Variants in CDH18 observed in about 807,000 individuals in gnomAD.
The protein encoded by CDH18 is cadherin-18.
Under a neutral mutation model 67.9 loss-of-function variants are expected in CDH18, and 31 were observed. The observed-to-expected ratio is 0.46, with a 90% confidence interval of 0.34 to 0.62. CDH18 has a LOEUF of 0.62. Ranked by LOEUF, CDH18 falls within the 20% of genes least tolerant of loss-of-function variation. CDH18 has a pLI of 0.01. For missense variants in CDH18, 890 were observed against 975.5 expected (o/e 0.91, Z 1.17); for synonymous variants, 362 against 347.2 (o/e 1.04, Z -0.48).
intron 2 of CDH18, among the ~76,000 whole-genome samples, chr5:20,221,698 T>C (rs980219440): frequency 2.0e-5 from 3 of 152,114 alleles, no homozygotes; most frequent in Non-Finnish European, 2.9e-5. Flanking sequence ...TTATTAGGCA[T>C]TATATGCCTG....
chr5:19,642,214 G>C (rs1020002741), intron 5 of CDH18, among the ~76,000 whole-genome samples: 25 of 151,890 alleles, frequency 1.6e-4, no homozygotes, highest in Middle Eastern at 6.8e-3. Context: ...ATATACCCAC[G>C]GATTAGAAGA....
intron 1 of CDH18, among the ~76,000 whole-genome samples, chr5:20,348,425 G>A (rs1740887906): frequency 6.6e-6 from 1 of 152,194 alleles, no homozygotes; most frequent in Non-Finnish European, 1.5e-5. Flanking sequence ...AAAGATCTGT[G>A]CAGTTTAAAA....
intron 5 of CDH18, among the ~76,000 whole-genome samples, chr5:19,670,244 A>C (rs1294369143): frequency 6.6e-6 from 1 of 152,174 alleles, no homozygotes; most frequent in Non-Finnish European, 1.5e-5. Flanking sequence ...TCAGATAAAC[A>C]TGGAAACGAT....
chr5:20,278,981 AG>A (rs1677603505), intron 1 of CDH18, among the ~76,000 whole-genome samples: 1 of 152,094 alleles, frequency 6.6e-6, no homozygotes, highest in Non-Finnish European at 1.5e-5. Context: ...AAGCCAAGAA[AG>A]GAGGAAAAAA....
intron 1 of CDH18, among the ~76,000 whole-genome samples, chr5:20,258,052 A>G (rs1744378037): frequency 6.6e-6 from 1 of 152,106 alleles, no homozygotes; most frequent in Admixed American, 6.6e-5. Flanking sequence ...TCTCCAATTT[A>G]TAGGTTTATA....
chr5:19,810,943 A>G (rs1008223152), intron 3 of CDH18, among the ~76,000 whole-genome samples: 6 of 151,898 alleles, frequency 4.0e-5, no homozygotes, highest in East Asian at 1.9e-4. Context: ...GAATTGCTTG[A>G]ACCCAGGAGG....
At chr5:20,383,152 T>A (rs1744051282) in intron 1 of CDH18, among the ~76,000 whole-genome samples, 1 of 152,206 alleles carries the variant, frequency 6.6e-6, no homozygotes, top group Admixed American at 6.5e-5. Context: ...TGCCATAGAA[T>A]ATAGCTAATA....
intron 1 of CDH18, among the ~76,000 whole-genome samples, chr5:20,447,285 T>C (rs1037803538): frequency 2.6e-5 from 4 of 152,108 alleles, no homozygotes; most frequent in Non-Finnish European, 5.9e-5. Flanking sequence ...TGTTGAAACT[T>C]AATGGCCAAT....
In CDH18 at chr5:19,641,493, A is replaced by T. The variant is rs984636805; in HGVS notation, c.644-28892T>A. 2.6e-5 allele frequency among the ~76,000 whole-genome samples: 4 copies of T among 152,090 alleles called. No homozygotes were observed. In the South Asian group the frequency reaches 8.3e-4, roughly 31 times the overall value. On this transcript the variant is annotated intron_variant, in intron 5 of 12. Coordinates refer to ENST00000382275, the MANE Select transcript of CDH18 (RefSeq NM_004934.5). ...CAGCACATTAAAAGGGTCATACACCATGACCACGTGAGATTTATCAATTGG... is the reference window on the plus strand; with the variant it reads ...CAGCACATTAAAAGGGTCATACACCTTGACCACGTGAGATTTATCAATTGG...
At chr5:19,494,998 T>C (rs1742049282) in intron 11 of CDH18, among the ~76,000 whole-genome samples, 1 of 152,182 alleles carries the variant, frequency 6.6e-6, no homozygotes, top group Admixed American at 6.5e-5. Context: ...ACACTCAAAC[T>C]TTCATTAACA....
intron 12 of CDH18, among the ~76,000 whole-genome samples, chr5:19,475,219 T>C (rs988094070): frequency 4.1e-5 from 5 of 120,518 alleles, no homozygotes; most frequent in Admixed American, 1.8e-4. Context: ...CACACACACA[T>C]GCTTCTCAAC....
At chr5:19,973,094 A>T (rs1176883812) in intron 2 of CDH18, among the ~76,000 whole-genome samples, 1 of 152,120 alleles carries the variant, frequency 6.6e-6, no homozygotes, top group Non-Finnish European at 1.5e-5. Flanking sequence ...AATCTACAGG[A>T]ATGAAAATGC....
At chr5:20,242,634 G>GTATA (rs143436887) in intron 2 of CDH18, among the ~76,000 whole-genome samples, 18 of 85,812 alleles carry the variant, frequency 2.1e-4, no homozygotes, top group Admixed American at 3.6e-4. Context: ...ATATATATAT[G>GTATA]TATATATATA....
At chr5:20,371,931 C>A (rs1743036165) in intron 1 of CDH18, among the ~76,000 whole-genome samples, 1 of 152,210 alleles carries the variant, frequency 6.6e-6, no homozygotes, top group South Asian at 2.1e-4. Flanking sequence ...CAACAGATAG[C>A]ATTTAATAAC....
At chr5:19,978,491 T>C (rs1477367220) in intron 2 of CDH18, among the ~76,000 whole-genome samples, 1 of 152,146 alleles carries the variant, frequency 6.6e-6, no homozygotes, top group African/African-American at 2.4e-5. Context: ...GCTAGTTTTA[T>C]TAGTTTCCCA....
At chr5:19,475,415 T>G (rs1738282925) in intron 12 of CDH18, among the ~76,000 whole-genome samples, 1 of 151,928 alleles carries the variant, frequency 6.6e-6, no homozygotes, top group African/African-American at 2.4e-5. Context: ...ATAATAAAGA[T>G]ATAAAGAATT....
At chr5:20,134,649 A>G (rs1374204707) in intron 2 of CDH18, among the ~76,000 whole-genome samples, 2 of 152,148 alleles carry the variant, frequency 1.3e-5, no homozygotes, top group Admixed American at 6.6e-5. Context: ...TTGGGTGGGG[A>G]CACAGCCAAA....
In CDH18 at chr5:19,932,726, C is replaced by A. The variant is rs1356746763; in HGVS notation, c.-257+48334G>T. Among the ~76,000 whole-genome samples, 5 of 151,602 alleles carry A rather than the reference C, an allele frequency of 3.3e-5. No individual in the cohort carries two copies. The East Asian group carries it at 7.7e-4, about 23-fold the overall frequency. On this transcript the variant is annotated intron_variant, in intron 2 of 12. Coordinates refer to ENST00000382275, the MANE Select transcript of CDH18 (RefSeq NM_004934.5). ...CCTTTTCATAGTACTTAATATCCATCCTGTCTGCCTTTTTTTCTTCATCCC... is the reference window on the plus strand; with the variant it reads ...CCTTTTCATAGTACTTAATATCCATACTGTCTGCCTTTTTTTCTTCATCCC...
At chr5:19,634,500 T>C (rs997261484) in intron 5 of CDH18, among the ~76,000 whole-genome samples, 1 of 152,186 alleles carries the variant, frequency 6.6e-6, no homozygotes, top group Non-Finnish European at 1.5e-5. Flanking sequence ...ATGTAGTATA[T>C]GCAAAGCACA....
Sources: gnomAD v4.1 joint callset for allele counts (sites outside exome capture counted in the v4.1 genomes callset) on GRCh38, gnomAD v4.1.1 for gene constraint, MANE v1.5 for transcripts, NCBI Gene and HGNC (gene_info 2026-07-23, HGNC 2026-07-21) for gene names.